EYS: variants seen among roughly 807,000 people sequenced by gnomAD.
The protein encoded by EYS is protein eyes shut homolog.
In EYS, 250 loss-of-function variants were observed where a neutral mutation model predicts 282.1. The observed-to-expected ratio is 0.89, with a 90% CI of 0.80 to 0.98. EYS has a LOEUF of 0.98. Among genes scored for constraint, EYS ranks in the 50% least tolerant of loss-of-function variants. The pLI is 0.00. For missense variants in EYS, 4,016 were observed against 3,709.0 expected (o/e 1.08, Z -2.15); for synonymous variants, 1,355 against 1,282.9 (o/e 1.06, Z -1.20).
intron 29 of EYS, among the ~76,000 whole-genome samples, chr6:64,362,757 T>C (rs1772059151): frequency 1.3e-5 from 2 of 151,816 alleles, no homozygotes; most frequent in African/African-American, 2.4e-5. Context: ...TAAAATAATA[T>C]GAAGTAATGT....
At chr6:65,295,243 A>T (rs966716738) in intron 12 of EYS, among the ~76,000 whole-genome samples, 3 of 151,942 alleles carry the variant, frequency 2.0e-5, no homozygotes, top group African/African-American at 7.2e-5. Flanking sequence ...TGAAATTACT[A>T]TAAATAATTA....
At chr6:64,052,145 C>T (rs1347680986) in intron 33 of EYS, among the ~76,000 whole-genome samples, 4 of 151,762 alleles carry the variant, frequency 2.6e-5, no homozygotes, top group East Asian at 1.9e-4. Context: ...TAATTATTTT[C>T]GACCATTAAA....
intron 31 of EYS, among the ~76,000 whole-genome samples, chr6:64,160,600 T>C (rs1409498288): frequency 2.0e-5 from 3 of 152,188 alleles, no homozygotes; most frequent in Non-Finnish European, 4.4e-5. Flanking sequence ...TGGGGCCCTC[T>C]GCTGAATTCA....
intron 14 of EYS, among the ~76,000 whole-genome samples, chr6:64,946,511 C>T (rs1769293256): frequency 6.6e-6 from 1 of 151,908 alleles, no homozygotes; most frequent in South Asian, 2.1e-4. Flanking sequence ...ACAAAAGAAA[C>T]ACTTTAAATT....
chr6:63,941,631 A>G (rs1001170802), intron 35 of EYS, among the ~76,000 whole-genome samples: 1 of 152,156 alleles, frequency 6.6e-6, no homozygotes, highest in Non-Finnish European at 1.5e-5. Flanking sequence ...TTCTGGAAAA[A>G]AATGCCACAA....
chr6:65,702,706 T>A (rs1194815132), intron 1 of EYS, among the ~76,000 whole-genome samples: 2 of 151,342 alleles, frequency 1.3e-5, no homozygotes, highest in African/African-American at 4.9e-5. Context: ...AATAAATAAA[T>A]AATAAATAAA....
chr6:64,585,236 A>G (rs1582922591), intron 26 of EYS, among the ~76,000 whole-genome samples: 1 of 152,078 alleles, frequency 6.6e-6, no homozygotes, highest in Non-Finnish European at 1.5e-5. Context: ...CAAATACTAG[A>G]TGTTCTCATG....
chr6:65,591,257 A>G (rs917373333), intron 2 of EYS, among the ~76,000 whole-genome samples: 1 of 152,004 alleles, frequency 6.6e-6, no homozygotes, highest in African/African-American at 2.4e-5. Flanking sequence ...GCTGGAATAC[A>G]GTGGTGCCAT....
At chr6:64,885,543 T>C (rs1332051600) in intron 19 of EYS, among the ~76,000 whole-genome samples, 3 of 151,800 alleles carry the variant, frequency 2.0e-5, no homozygotes, top group African/African-American at 7.2e-5. Flanking sequence ...TCTACATTGA[T>C]AGCTCAATAA....
intron 12 of EYS, among the ~76,000 whole-genome samples, chr6:65,232,746 G>T (rs945644077): frequency 6.6e-6 from 1 of 151,978 alleles, no homozygotes; most frequent in African/African-American, 2.4e-5. Context: ...TCCAAATTAG[G>T]TCATATTCTA....
At chr6:64,146,230 GAAT>G (rs762513720) in intron 31 of EYS, among the ~76,000 whole-genome samples, 1 of 152,030 alleles carries the variant, frequency 6.6e-6, no homozygotes, top group Non-Finnish European at 1.5e-5. Flanking sequence ...TGAATTTCAG[GAAT>G]ATTACCATCC....
At chr6:64,241,513 G>A (rs1436044736) in intron 30 of EYS, among the ~76,000 whole-genome samples, 2 of 152,058 alleles carry the variant, frequency 1.3e-5, no homozygotes, top group African/African-American at 4.8e-5. Context: ...AGATTTTCTA[G>A]TTTGCGTAGT....
chr6:64,825,675 G>T (rs1204736874), intron 19 of EYS, among the ~76,000 whole-genome samples: 4 of 151,774 alleles, frequency 2.6e-5, no homozygotes. Flanking sequence ...AGAGTTGTCT[G>T]TGCAGCCAAG....
At chr6:64,697,116 T>C (rs1358865804) in intron 22 of EYS, among the ~76,000 whole-genome samples, 1 of 151,966 alleles carries the variant, frequency 6.6e-6, no homozygotes, top group Non-Finnish European at 1.5e-5. Flanking sequence ...AGTTCGGCAG[T>C]GTGGATTTAA....
chr6:64,480,893 G>A (rs1402099780), intron 26 of EYS, among the ~76,000 whole-genome samples: 1 of 151,608 alleles, frequency 6.6e-6, no homozygotes, highest in African/African-American at 2.4e-5. Flanking sequence ...TTCAAGTTAT[G>A]TTGTAGTTAC....
chr6:64,726,044 C>T lies in EYS; in HGVS notation c.3443+87334G>A, dbSNP rs1050133817. On this transcript the variant is annotated intron_variant, in intron 22 of 42. Transcript: ENST00000503581. Reference sequence around the variant, plus strand: ...GGTTCAAAAATACCCCTATTCTTCCCAAGTATGTTGACTTGACAATATCCA... The same window carrying T: ...GGTTCAAAAATACCCCTATTCTTCCTAAGTATGTTGACTTGACAATATCCA... Among the ~76,000 whole-genome samples, 4 of 152,072 alleles carry T rather than the reference C, an allele frequency of 2.6e-5. No homozygotes were observed. In the South Asian group the frequency reaches 8.3e-4, roughly 32 times the overall value.
intron 22 of EYS, among the ~76,000 whole-genome samples, chr6:64,702,817 A>C (rs1770837265): frequency 6.6e-6 from 1 of 152,186 alleles, no homozygotes; most frequent in Non-Finnish European, 1.5e-5. Flanking sequence ...TAAGCATTTC[A>C]ATACAGAAAT....
At chr6:65,566,202 C>T (rs1327224589) in intron 2 of EYS, among the ~76,000 whole-genome samples, 3 of 151,864 alleles carry the variant, frequency 2.0e-5, no homozygotes, top group Non-Finnish European at 2.9e-5. Flanking sequence ...CAGTAAGGGT[C>T]AAAATGGTGG....
At position 64,565,121 on chromosome 6, in the gene EYS, G is replaced by C. The variant is rs547080758; in HGVS notation, c.5644+25102C>G. ...CCATTCCCTAGATTGTCTCTTTATT[G>C]AAGCCTTCCTTTTCTGTGCAGAAAC... On this transcript the variant is annotated intron_variant, in intron 26 of 42. Transcript: ENST00000503581. 2.0e-5 allele frequency among the ~76,000 whole-genome samples: 3 copies of C among 151,992 alleles called. No homozygotes were observed. The South Asian group carries it at 6.3e-4, about 32-fold the overall frequency.
Sources: gnomAD v4.1 joint callset for allele counts (sites outside exome capture counted in the v4.1 genomes callset) on GRCh38, gnomAD v4.1.1 for gene constraint, MANE v1.5 for transcripts, NCBI Gene and HGNC (gene_info 2026-07-23, HGNC 2026-07-21) for gene names.